The following ART3 variants were observed in gnomAD, a reference collection of about 807,000 sequenced individuals.
The protein encoded by ART3 is ecto-ADP-ribosyltransferase 3.
In ART3, 49 loss-of-function variants were observed where a neutral mutation model predicts 48.5. The observed-to-expected ratio is 1.01, with a 90% CI of 0.80 to 1.28. The LOEUF (loss-of-function observed/expected upper bound fraction) is 1.28. ART3 is among the 50% of genes most tolerant of loss of function. The pLI, the probability that ART3 is intolerant of heterozygous loss-of-function variation, is 0.00. For synonymous variants in ART3, 145 were observed against 157.2 expected (o/e 0.92, Z 0.58); for missense variants, 438 against 454.3 (o/e 0.96, Z 0.33).
At chr4:76,068,541 T>C (rs1000044955) in intron 1 of ART3, among the ~76,000 whole-genome samples, 6 of 151,666 alleles carry the variant, frequency 4.0e-5, no homozygotes, top group Admixed American at 2.0e-4. Flanking sequence ...AAACCAAATA[T>C]CACATGTTAC....
intron 1 of ART3, among the ~76,000 whole-genome samples, chr4:76,054,773 G>A (rs186559158): frequency 2.2e-4 from 33 of 152,274 alleles, no homozygotes; most frequent in Non-Finnish European, 3.2e-4. Context: ...GATCAAGGTT[G>A]CAATGAGCTA....
rs188183577 is a variant in ART3 at position 76,014,659 on chromosome 4, G to A, written c.-10+3339G>A. On this transcript the variant is annotated intron_variant, in intron 1 of 9. Transcript: ENST00000341029. ...ACAGAAGTAATGACTGAAAACTAAC[G>A]AAATCCAATGAAACGTATGAATCTG... 1.8e-4 allele frequency among the ~76,000 whole-genome samples: 27 copies of A among 152,212 alleles called. No homozygotes were observed. In the East Asian group the frequency reaches 3.3e-3, roughly 18 times the overall value.
Position 76,101,167 on chromosome 4 carries a change from C to G in ART3, c.937+148C>G, listed in dbSNP as rs1727230796. On this transcript the variant is annotated intron_variant, in intron 8 of 11. Coordinates refer to ENST00000355810, the MANE Select transcript of ART3 (RefSeq NM_001130016.3). ...CTGGTTTGGTATATTAGAGACTCTC[C>G]TGGGTTTCAGGTAGAATTCTTTAGA... The G allele has an allele frequency of 7.8e-6, 7 of 892,142 alleles. 1 individual carries two copies. In the South Asian group the frequency reaches 1.3e-4, roughly 17 times the overall value. 55.3% of individuals were successfully genotyped at this position (892,142 alleles called of 1,614,324 possible). A position where few individuals can be genotyped will look rare whatever the true frequency, so the allele number is the denominator to read the frequency against.
At chr4:76,048,267 C>T (rs913394294) in intron 1 of ART3, among the ~76,000 whole-genome samples, 1 of 151,878 alleles carries the variant, frequency 6.6e-6, no homozygotes, top group African/African-American at 2.4e-5. Context: ...TCCCTTCCTT[C>T]TTACAGAAAA....
chr4:76,080,219 T>C (rs1199154675), intron 2 of ART3, among the ~76,000 whole-genome samples: 3 of 152,168 alleles, frequency 2.0e-5, no homozygotes, highest in Non-Finnish European at 4.4e-5. Flanking sequence ...CACTTGAATA[T>C]TTTGCCAGGT....
chr4:76,015,815 G>C (rs2149356150), intron 1 of ART3, among the ~76,000 whole-genome samples: 1 of 152,320 alleles, frequency 6.6e-6, no homozygotes, highest in Admixed American at 6.5e-5. Flanking sequence ...TTTTTGTAGA[G>C]ATGGGTTTTT....
intron 1 of ART3, chr4:76,022,838 C>A: frequency 6.2e-7 from 1 of 1,602,644 alleles, no homozygotes; most frequent in Non-Finnish European, 8.5e-7. Flanking sequence ...AGAGGAACAG[C>A]AGAGAAGGTT....
At chr4:76,048,781 A>G (rs75191983) in intron 1 of ART3, among the ~76,000 whole-genome samples, 3,850 of 150,706 alleles carry the variant, frequency 0.026, 158 homozygotes, top group African/African-American at 0.086. Flanking sequence ...GTCTTCCTAG[A>G]CCACAAGGAG....
intron 1 of ART3, among the ~76,000 whole-genome samples, chr4:76,051,987 C>T (rs79038956): frequency 0.051 from 7,578 of 148,908 alleles, 232 homozygotes; most frequent in South Asian, 0.14. Context: ...CAGCTCACTG[C>T]AACCTCCGCC....
intron 10 of ART3, among the ~76,000 whole-genome samples, chr4:76,106,642 C>T (rs944398938): frequency 2.6e-5 from 4 of 152,186 alleles, no homozygotes; most frequent in African/African-American, 9.7e-5. Flanking sequence ...TAACTTAGTG[C>T]ACCTGAAGAG....
chr4:76,088,785 T>C (rs868562077), intron 3 of ART3, among the ~76,000 whole-genome samples: 26 of 152,234 alleles, frequency 1.7e-4, no homozygotes, highest in Middle Eastern at 6.8e-3. Context: ...CTATAGCAAA[T>C]TCACCAGGCT....
chr4:76,029,147 GTCTTT>G (rs1317851142), intron 1 of ART3, among the ~76,000 whole-genome samples: 15 of 152,214 alleles, frequency 9.9e-5, no homozygotes, highest in East Asian at 3.9e-4. Context: ...ATCATTGGTT[GTCTTT>G]TCTTTTGAGA....
chr4:76,108,083 A>T (rs980125428), intron 11 of ART3, among the ~76,000 whole-genome samples: 1 of 151,508 alleles, frequency 6.6e-6, no homozygotes, highest in African/African-American at 2.4e-5. Flanking sequence ...TAAAAAAGAA[A>T]ATATATATTA....
chr4:76,083,320 G>A (rs558237256), intron 3 of ART3, among the ~76,000 whole-genome samples: 1 of 152,254 alleles, frequency 6.6e-6, no homozygotes, highest in African/African-American at 2.4e-5. Context: ...ATGTTTCCAA[G>A]TAAATAACAT....
chr4:76,090,919 C>T (rs1455723622), intron 3 of ART3, among the ~76,000 whole-genome samples: 2 of 152,160 alleles, frequency 1.3e-5, no homozygotes, highest in African/African-American at 2.4e-5. Context: ...TCCCTGTTTC[C>T]CAGTCCCCCC....
Position 76,051,232 on chromosome 4 carries a change from G to T in ART3, c.-9-24649G>T, listed in dbSNP as rs180919131. On this transcript the variant is annotated intron_variant, in intron 1 of 9. Coordinates refer to the ART3 transcript ENST00000341029. ...ACTGTCACCTCTCAAAAGTACAGTA[G>T]TATAGTACCTGATGCTGTTTTTTAG... Among the ~76,000 whole-genome samples, 930 of 151,778 alleles carry T rather than the reference G, an allele frequency of 6.1e-3. 41 individuals carry two copies. Among genetic ancestry groups the T allele is most frequent in the Admixed American group, 0.056 (860 of 15,238 alleles).
intron 2 of ART3, among the ~76,000 whole-genome samples, chr4:76,078,633 G>A (rs887274063): frequency 1.4e-5 from 2 of 140,348 alleles, no homozygotes; most frequent in South Asian, 2.4e-4. Context: ...CAATTCCCTC[G>A]TTTGTAAAAT....
At chr4:76,084,991 A>G (rs1293472493) in intron 3 of ART3, among the ~76,000 whole-genome samples, 1 of 152,216 alleles carries the variant, frequency 6.6e-6, no homozygotes, top group Non-Finnish European at 1.5e-5. Context: ...AGAGGCTCCT[A>G]CACCCACCTG....
intron 1 of ART3, among the ~76,000 whole-genome samples, chr4:76,014,869 G>A (rs1404219913): frequency 6.6e-6 from 1 of 152,116 alleles, no homozygotes; most frequent in Non-Finnish European, 1.5e-5. Context: ...CTTATCAGAA[G>A]CCAAGGAAGC....
Sources: allele counts gnomAD v4.1 joint callset (sites outside exome capture counted in the v4.1 genomes callset), GRCh38; gene constraint gnomAD v4.1.1; transcripts MANE v1.5; gene names NCBI Gene and HGNC (gene_info 2026-07-23, HGNC 2026-07-21).